TMPRSS6: variants seen among roughly 807,000 people sequenced by gnomAD.
TMPRSS6 encodes transmembrane protease serine 6.
A neutral mutation model predicts 101.5 loss-of-function variants in TMPRSS6; 67 were observed. That is an observed-to-expected ratio of 0.66 (90% confidence interval 0.54 to 0.81). The LOEUF is 0.81. TMPRSS6 is among the 30% of genes least tolerant of loss of function. The pLI, the probability that TMPRSS6 is intolerant of heterozygous loss-of-function variation, is 0.00. For missense variants in TMPRSS6, 1,034 were observed against 1,088.7 expected, an observed-to-expected ratio of 0.95 and a Z score of 0.71; for synonymous variants, 453 against 464.9, an observed-to-expected ratio of 0.97 and a Z score of 0.33.
At chr22:37,082,463 T>A (rs377472485) in intron 10 of TMPRSS6, 1 of 159,654 alleles carries the variant, frequency 6.3e-6, no homozygotes, top group East Asian at 1.9e-4. Flanking sequence ...GGAAAACATG[T>A]TCTCATCATT....
chr22:37,110,179 C>T (rs1343618136), upstream of TMPRSS6, among the ~76,000 whole-genome samples: 7 of 144,252 alleles, frequency 4.9e-5, no homozygotes, highest in African/African-American at 1.8e-4. Context: ...AGTCTCACTC[C>T]GTCACCCAGG....
chr22:37,073,612 C>T lies in TMPRSS6; in HGVS notation c.1475G>A (p.Ser492Asn). ...GACCTTGGGCAGTGAGATGCATGTG[C>T]TGTCCTCTTTGCACTGGAATGTGGC... ...CRATFQCKED[S>N]TCISLPKVCD... Residue 492 changes from serine (S) to asparagine (N), a missense_variant, in exon 13 of 18, where the codon AGC (serine) becomes AAC (asparagine). Transcript: ENST00000676104. 6.2e-7 allele frequency: 1 copy of T among 1,614,044 alleles called. No individual in the cohort carries two copies. The highest frequency in any genetic ancestry group is 1.1e-5 in the South Asian group (1 of 91,080).
rs368473042 is a variant in TMPRSS6 at position 37,072,173 on chromosome 22, G to A, written c.1556-1141C>T. ...GTGAATGGATGGATGATGGATGAAC[G>A]GATGATGGATGGATGGATGATGGAT... On this transcript the variant is annotated intron_variant, in intron 13 of 17. Transcript: ENST00000676104. Among the ~76,000 whole-genome samples the A allele has an allele frequency of 1.7e-3, 258 of 148,692 alleles. 2 individuals carry two copies. The highest frequency in any genetic ancestry group is 6.8e-3 in the South Asian group (31 of 4,560).
rs940007905 is a variant in TMPRSS6, at chr22:37,103,645, T to C, written c.-1-227A>G. 3 of 1,549,006 alleles carry C rather than the reference T, an allele frequency of 1.9e-6. No homozygotes were observed. In the African/African-American group the frequency reaches 4.1e-5, roughly 21 times the overall value. ...GCAGGCACCAGAGCTGGACTGGGTC[T>C]GGCTCAAGAACCCCACCTTTGCTTC... On this transcript the variant is annotated intron_variant, in intron 1 of 17. Transcript: ENST00000676104. The surrounding 1 kb of genome is among the most constrained non-coding windows in gnomAD (Gnocchi z 4.4).
chr22:37,097,721 C>T lies in TMPRSS6; in HGVS notation c.336+695G>A, dbSNP rs228898. Among the ~76,000 whole-genome samples, 951 of 99,652 alleles carry T rather than the reference C, an allele frequency of 9.5e-3. 37 individuals carry two copies. Among genetic ancestry groups the T allele is most frequent in the African/African-American group, 0.03 (566 of 19,184 alleles). 65.4% of individuals were successfully genotyped at this position (99,652 alleles called of 152,430 possible). A position where few individuals can be genotyped will look rare whatever the true frequency, so the allele number is the denominator to read the frequency against. On this transcript the variant is annotated intron_variant, in intron 3 of 17. Coordinates refer to ENST00000676104, the MANE Select transcript of TMPRSS6 (RefSeq NM_001374504.1). ...CCGTCTTGTAACAGAGGGGCAGGAG[C>T]GGGCCACCGTCCTGTAACGGAGGGG...
upstream of TMPRSS6, among the ~76,000 whole-genome samples, chr22:37,110,434 G>A (rs139544715): frequency 6.6e-5 from 10 of 152,028 alleles, no homozygotes; most frequent in Admixed American, 3.3e-4. Context: ...ATGAGCGACC[G>A]CACGCAGCAT....
At chr22:37,092,787 C>G (rs1049707528) in intron 6 of TMPRSS6, among the ~76,000 whole-genome samples, 1 of 152,232 alleles carries the variant, frequency 6.6e-6, no homozygotes, top group Non-Finnish European at 1.5e-5. Context: ...TGTGCCACCA[C>G]GCCCGGCCCA....
intron 2 of TMPRSS6, 51 bp from the exon 3 acceptor site, chr22:37,098,600 C>G (rs370031614): frequency 2.0e-4 from 321 of 1,613,394 alleles, no homozygotes; most frequent in Non-Finnish European, 2.6e-4. Flanking sequence ...GTGGGAAAGT[C>G]TCCTGTCTCT....
intron 14 of TMPRSS6, 93 bp from the exon 15 acceptor site, chr22:37,070,745 C>G: frequency 1.4e-6 from 2 of 1,441,232 alleles, no homozygotes; most frequent in Non-Finnish European, 1.9e-6. Context: ...GATGGAGAGA[C>G]AGAGAACAGG....
chr22:37,078,631 G>C lies in TMPRSS6; in HGVS notation c.1197-3351C>G, dbSNP rs554360059. 2.0e-5 allele frequency among the ~76,000 whole-genome samples: 3 copies of C among 152,150 alleles called. No individual in the cohort carries two copies. In the South Asian group the frequency reaches 6.2e-4, roughly 32 times the overall value. ...CACCATGTAGAAATTGCTTCATTGA[G>C]TCGCGAGCTAATTTCACATAATAAT... On this transcript the variant is annotated intron_variant, in intron 10 of 17. Transcript: ENST00000676104.
intron 1 of TMPRSS6, among the ~76,000 whole-genome samples, chr22:37,107,109 C>T (rs1303115216): frequency 6.6e-6 from 1 of 152,186 alleles, no homozygotes; most frequent in East Asian, 1.9e-4. Context: ...AGTCTCTAGG[C>T]CCCTGGTACA....
intron 8 of TMPRSS6, 27 bp from the exon 9 acceptor site, chr22:37,084,866 A>G: frequency 6.5e-7 from 1 of 1,538,780 alleles, no homozygotes; most frequent in African/African-American, 1.4e-5. Flanking sequence ...GCTGTTACAC[A>G]GGGGTCCCCT....
At chr22:37,108,187 G>C (rs1174726144) in intron 1 of TMPRSS6, among the ~76,000 whole-genome samples, 1 of 152,178 alleles carries the variant, frequency 6.6e-6, no homozygotes, top group Non-Finnish European at 1.5e-5. Context: ...CCGGCACCAA[G>C]AGCCCTCGTG....
intron 4 of TMPRSS6, among the ~76,000 whole-genome samples, chr22:37,096,363 A>T (rs527840911): frequency 6.6e-6 from 1 of 152,296 alleles, no homozygotes; most frequent in East Asian, 1.9e-4. Context: ...CCTGGAGCCA[A>T]TGCTTTTAAC....
intron 13 of TMPRSS6, among the ~76,000 whole-genome samples, chr22:37,072,453 T>TGATGGATGGATGGATGGATGATG (rs1927111376): frequency 1.1e-5 from 1 of 93,586 alleles, no homozygotes; most frequent in Admixed American, 9.4e-5. Context: ...GATGGATGGA[T>TGATGGATGGATGGATGGATGATG]GATGGATGGA....
rs1211363729 is a variant in TMPRSS6 at position 37,069,439 on chromosome 22, G to A, written c.1842-95C>T. 8.2e-7 allele frequency: 1 copy of A among 1,225,468 alleles called. No homozygotes were observed. The highest frequency in any genetic ancestry group is 1.1e-6 in the Non-Finnish European group (1 of 882,472). The allele number at this position is 1,225,468 out of a possible 1,614,324, so 75.9% of individuals were successfully genotyped here. On this transcript the variant is annotated intron_variant, in intron 15 of 17. Coordinates refer to ENST00000676104, the MANE Select transcript of TMPRSS6 (RefSeq NM_001374504.1). This position sits in a 1 kb window ranked among gnomAD's most constrained non-coding sequence, Gnocchi z 4.8. ...GGACCCTCAAGATAGCCAGATCCCC[G>A]CCCGGGACAGTGCCCTCCACACCCA...
chr22:37,073,253 T>A (rs112399511), intron 13 of TMPRSS6, among the ~76,000 whole-genome samples: 1 of 151,428 alleles, frequency 6.6e-6, no homozygotes, highest in African/African-American at 2.4e-5. Context: ...GACAGTTTGA[T>A]GATAGGGAGA....
At chr22:37,080,457 C>G (rs142434462) in intron 10 of TMPRSS6, among the ~76,000 whole-genome samples, 29 of 152,384 alleles carry the variant, frequency 1.9e-4, no homozygotes, top group African/African-American at 7.0e-4. Flanking sequence ...ACCTCCCCCT[C>G]CCTAAAGTGC....
chr22:37,099,201 A>ATTGGTAAGAGAAGAGGGAGGGAAGTACC (rs1930080948), intron 2 of TMPRSS6, among the ~76,000 whole-genome samples: 1 of 152,142 alleles, frequency 6.6e-6, no homozygotes, highest in Non-Finnish European at 1.5e-5. Flanking sequence ...GAAACTGTAA[A>ATTGGTAAGAGAAGAGGGAGGGAAGTACC]TTGGTAAGAG....
Sources: allele counts gnomAD v4.1 joint callset (sites outside exome capture counted in the v4.1 genomes callset), GRCh38; gene constraint gnomAD v4.1.1; non-coding constraint Gnocchi (gnomAD v3.1); transcripts MANE v1.5; gene names NCBI Gene and HGNC (gene_info 2026-07-23, HGNC 2026-07-21).